FOXJ3: variants seen among roughly 807,000 people sequenced by gnomAD.
FOXJ3 encodes forkhead box J3.
FOXJ3 carries 22 observed loss-of-function variants against 76.1 expected under a neutral mutation model. That is an observed-to-expected ratio of 0.29 (90% confidence interval 0.21 to 0.41). The LOEUF (loss-of-function observed/expected upper bound fraction) is 0.41, where lower values mean the gene tolerates loss of function less well. FOXJ3 is among the 10% of genes least tolerant of loss of function. The pLI is 1.00. For synonymous variants in FOXJ3, 269 were observed against 261.2 expected (o/e 1.03, Z -0.29); for missense variants, 613 against 762.1 (o/e 0.80, Z 2.30).
intron 4 of FOXJ3, among the ~76,000 whole-genome samples, chr1:42,229,783 G>A (rs1647913754): frequency 1.3e-5 from 2 of 152,038 alleles, no homozygotes; most frequent in South Asian, 2.1e-4. Flanking sequence ...TAAATGCAAG[G>A]GGGAAAAATT....
At position 42,179,791 on chromosome 1, in the gene FOXJ3, C is replaced by T; in HGVS notation, c.1788G>A (p.Met596Ile). The stretch of plus-strand genomic sequence containing the variant: ...GCCGCATCTGGAAGGCTTGGGAAGG[C>T]ATCATGTGCTGCTGGTTCATGGCTC... ...HHRAMNQQHM[M>I]PSQAFQMRRS... The change falls in exon 13 of 13, where the codon ATG becomes ATA. Residue 596 changes from methionine (M) to isoleucine (I), a missense_variant. Physicochemically the swap from Met to Ile is conservative, Grantham distance 10 (BLOSUM62 1). Transcript: ENST00000361346. The T allele has an allele frequency of 1.2e-6, 2 of 1,613,916 alleles. No individual in the cohort carries two copies. The highest frequency in any genetic ancestry group is 1.1e-5 in the South Asian group (1 of 91,082).
chr1:42,201,300 C>A (rs1412910559), intron 6 of FOXJ3, among the ~76,000 whole-genome samples: 1 of 152,198 alleles, frequency 6.6e-6, no homozygotes, highest in Non-Finnish European at 1.5e-5. Flanking sequence ...TGATGGCAAA[C>A]ATCTTTCTCT....
At chr1:42,246,787 A>T (rs1400350805) in intron 4 of FOXJ3, among the ~76,000 whole-genome samples, 1 of 152,226 alleles carries the variant, frequency 6.6e-6, no homozygotes, top group East Asian at 1.9e-4. Context: ...TATAGAATCA[A>T]ACTGAATATC....
At chr1:42,306,366 A>G (rs549560078) in intron 2 of FOXJ3, among the ~76,000 whole-genome samples, 4 of 136,392 alleles carry the variant, frequency 2.9e-5, no homozygotes, top group Non-Finnish European at 6.0e-5. Flanking sequence ...GCAGTGGCAC[A>G]ATCTCAGCTC....
chr1:42,275,480 G>C (rs78247099), intron 3 of FOXJ3, among the ~76,000 whole-genome samples: 3,192 of 152,132 alleles, frequency 0.021, 107 homozygotes, highest in African/African-American at 0.073. Context: ...CAGATCACTT[G>C]AGGCCAAGAC....
chr1:42,323,510 C>G (rs1263711101), intron 1 of FOXJ3, among the ~76,000 whole-genome samples: 5 of 152,080 alleles, frequency 3.3e-5, no homozygotes, highest in African/African-American at 9.7e-5. Context: ...ATTTCTAAGT[C>G]TTTGACTATG....
chr1:42,248,621 T>A (rs1414918483), intron 4 of FOXJ3, among the ~76,000 whole-genome samples: 2 of 150,410 alleles, frequency 1.3e-5, no homozygotes, highest in East Asian at 2.0e-4. Context: ...GAAAAAGGAA[T>A]CAACAGGCTC....
chr1:42,333,142 C>T (rs1039705457), intron 1 of FOXJ3, among the ~76,000 whole-genome samples: 1 of 152,028 alleles, frequency 6.6e-6, no homozygotes, highest in Non-Finnish European at 1.5e-5. Context: ...TTTTCCACTG[C>T]CCCACCCATA....
intron 1 of FOXJ3, among the ~76,000 whole-genome samples, chr1:42,329,082 GACATC>G (rs768620133): frequency 1.2e-4 from 18 of 152,116 alleles, no homozygotes; most frequent in Non-Finnish European, 2.2e-4. Flanking sequence ...CACTTTGAAA[GACATC>G]ACATTCTCAG....
At chr1:42,303,658 C>T (rs929495986) in intron 2 of FOXJ3, among the ~76,000 whole-genome samples, 4 of 151,940 alleles carry the variant, frequency 2.6e-5, no homozygotes, top group Admixed American at 6.6e-5. Context: ...AAGGAAGAAG[C>T]GTTAACAAAA....
chr1:42,324,217 A>G (rs1416019190), intron 1 of FOXJ3, among the ~76,000 whole-genome samples: 4 of 140,196 alleles, frequency 2.9e-5, no homozygotes, highest in Non-Finnish European at 4.6e-5. Flanking sequence ...TACTATATAT[A>G]TAAATTCTAG....
chr1:42,210,108 G>A (rs541741616), intron 5 of FOXJ3, among the ~76,000 whole-genome samples: 8 of 152,334 alleles, frequency 5.3e-5, no homozygotes, highest in African/African-American at 1.9e-4. Flanking sequence ...TGGGAGCTGA[G>A]TGGGGCTTAA....
chr1:42,332,068 A>G (rs2124799493), intron 1 of FOXJ3, among the ~76,000 whole-genome samples: 1 of 152,284 alleles, frequency 6.6e-6, no homozygotes, highest in African/African-American at 2.4e-5. Context: ...TTTTCATTGT[A>G]GTCACTGTTT....
chr1:42,334,065 CAACACG>C, intron 1 of FOXJ3: 1 of 642,552 alleles, frequency 1.6e-6, no homozygotes, highest in Non-Finnish European at 1.9e-6. Context: ...TGGAATGCAC[CAACACG>C]GAATAGTAAA....
chr1:42,181,736 C>T (rs1312973098), intron 12 of FOXJ3, among the ~76,000 whole-genome samples, 181 bp downstream of exon 12: 2 of 152,106 alleles, frequency 1.3e-5, no homozygotes, highest in Admixed American at 6.5e-5. Flanking sequence ...GGAAAGCTAA[C>T]GCTTCTCAAT....
At chr1:42,334,903 C>T (rs898635816) in intron 1 of FOXJ3, 156 bp downstream of exon 1, 38 of 152,426 alleles carry the variant, frequency 2.5e-4, no homozygotes, top group Middle Eastern at 3.4e-3. Context: ...GGCCCAGGCC[C>T]CCTGCCCCAC....
At chr1:42,311,144 T>C in intron 1 of FOXJ3, 34 bp from the exon 2 acceptor site, 2 of 1,379,968 alleles carry the variant, frequency 1.4e-6, no homozygotes, top group African/African-American at 1.5e-5. Flanking sequence ...TATCAGATAC[T>C]GCAAAGTAAA....
chr1:42,273,124 A>ATGGAT (rs1557690495), intron 3 of FOXJ3, among the ~76,000 whole-genome samples: 1 of 152,180 alleles, frequency 6.6e-6, no homozygotes, highest in African/African-American at 2.4e-5. Flanking sequence ...TCACATACAC[A>ATGGAT]ATGGATATTT....
chr1:42,297,354 T>G (rs547911573), intron 2 of FOXJ3, among the ~76,000 whole-genome samples: 1 of 152,234 alleles, frequency 6.6e-6, no homozygotes, highest in African/African-American at 2.4e-5. Flanking sequence ...TTCCTGTTCT[T>G]AAGGAGAATG....
Sources: allele counts gnomAD v4.1 joint callset (sites outside exome capture counted in the v4.1 genomes callset), GRCh38; gene constraint gnomAD v4.1.1; transcripts MANE v1.5; gene names NCBI Gene and HGNC (gene_info 2026-07-23, HGNC 2026-07-21).